The following SLC16A9 variants were observed in gnomAD, a reference collection of about 807,000 sequenced individuals.
The protein encoded by SLC16A9 is solute carrier family 16 member 9.
Under a neutral mutation model 44.3 loss-of-function variants are expected in SLC16A9, and 26 were observed. That is an observed-to-expected ratio of 0.59 (90% CI 0.43 to 0.81). SLC16A9 has a LOEUF of 0.81. SLC16A9 is among the 40% of genes least tolerant of loss of function. The pLI is 0.00. For missense variants in SLC16A9, 559 were observed against 595.8 expected (o/e 0.94, Z 0.64); for synonymous variants, 230 against 225.1 (o/e 1.02, Z -0.19).
At chr10:59,692,908 C>A (rs1381764639) in intron 1 of SLC16A9, among the ~76,000 whole-genome samples, 1 of 152,142 alleles carries the variant, frequency 6.6e-6, no homozygotes, top group African/African-American at 2.4e-5. Flanking sequence ...TTTGGGAATT[C>A]TAAAACAATA....
chr10:59,686,301 A>G (rs1194878889), intron 1 of SLC16A9, among the ~76,000 whole-genome samples: 1 of 152,154 alleles, frequency 6.6e-6, no homozygotes, highest in African/African-American at 2.4e-5. Flanking sequence ...TTTTGTAGCT[A>G]TTCATGTTTT....
chr10:59,677,256 T>TA (rs879755179), intron 2 of SLC16A9, among the ~76,000 whole-genome samples: 127 of 144,844 alleles, frequency 8.8e-4, no homozygotes, highest in African/African-American at 1.3e-3. Context: ...CCTGGCTAAT[T>TA]AAAAAAAAAA....
intron 2 of SLC16A9, among the ~76,000 whole-genome samples, chr10:59,675,140 A>T (rs1413314903): frequency 6.6e-6 from 1 of 152,212 alleles, no homozygotes; most frequent in Non-Finnish European, 1.5e-5. Context: ...GAGATTAAAG[A>T]CAAAAAATTT....
intron 1 of SLC16A9, among the ~76,000 whole-genome samples, chr10:59,704,649 C>G (rs1840599506): frequency 6.6e-6 from 1 of 152,178 alleles, no homozygotes; most frequent in Non-Finnish European, 1.5e-5. Context: ...CACTGAGATA[C>G]ATTGGTATCA....
At chr10:59,677,695 T>C (rs1481040739) in intron 2 of SLC16A9, among the ~76,000 whole-genome samples, 2 of 152,166 alleles carry the variant, frequency 1.3e-5, no homozygotes, top group Non-Finnish European at 2.9e-5. Flanking sequence ...TGAACTAGGC[T>C]GCGAAGTATG....
In SLC16A9 at chr10:59,663,943, T is replaced by C. The variant is rs1017172358; in HGVS notation, c.436+284A>G. Among the ~76,000 whole-genome samples, 4 of 151,254 alleles carry C rather than the reference T, an allele frequency of 2.6e-5. No homozygotes were observed. The South Asian group carries it at 6.3e-4, about 24-fold the overall frequency. On this transcript the variant is annotated intron_variant, in intron 4 of 5. Coordinates refer to ENST00000395348, the MANE Select transcript of SLC16A9 (RefSeq NM_194298.3). ...TGTCCATGTAAAAATGTATTAATGT[T>C]ATACTAAATATCAGTTTACAATTTT...
chr10:59,681,813 TATATG>T lies in SLC16A9; in HGVS notation c.196+2278_196+2282del, dbSNP rs1244330678. Among the ~76,000 whole-genome samples the T allele has an allele frequency of 5.3e-3, 20 of 3,786 alleles. 1 individual carries two copies. The highest frequency in any genetic ancestry group is 0.01 in the African/African-American group (19 of 1,846). 2.5% of individuals were successfully genotyped at this position (3,786 alleles called of 152,430 possible). On this transcript the variant is annotated intron_variant, in intron 2 of 5. Transcript: ENST00000395348. The stretch of plus-strand genomic sequence containing the variant: ...ATATGTATATGTATATGTATATGTA[TATATG>T]ATGTATATGTATATGTATATGATGT...
intron 1 of SLC16A9, chr10:59,708,891 G>C (rs959173171): frequency 2.0e-5 from 3 of 152,474 alleles, no homozygotes; most frequent in Admixed American, 1.3e-4. Flanking sequence ...GCGAAGGCTG[G>C]GCTCCCGCGC....
intron 1 of SLC16A9, among the ~76,000 whole-genome samples, chr10:59,699,042 G>A (rs1840463777): frequency 6.6e-6 from 1 of 152,096 alleles, no homozygotes; most frequent in Non-Finnish European, 1.5e-5. Flanking sequence ...CTTAAGCACT[G>A]CACAGTCGAG....
chr10:59,662,865 CAG>C (rs1289629416), intron 4 of SLC16A9, among the ~76,000 whole-genome samples: 1 of 152,058 alleles, frequency 6.6e-6, no homozygotes, highest in Admixed American at 6.6e-5. Flanking sequence ...TTGTGGAAGA[CAG>C]TGTGGCAATT....
chr10:59,658,922 A>G (rs1309472649), intron 4 of SLC16A9, among the ~76,000 whole-genome samples: 1 of 152,142 alleles, frequency 6.6e-6, no homozygotes, highest in East Asian at 1.9e-4. Flanking sequence ...TGCCAGAATA[A>G]CTACTGACGT....
intron 4 of SLC16A9, among the ~76,000 whole-genome samples, chr10:59,661,397 C>T (rs1046815705): frequency 1.2e-4 from 18 of 152,110 alleles, no homozygotes; most frequent in Non-Finnish European, 2.9e-5. Flanking sequence ...CTCCCATTCA[C>T]ATGCTACATA....
chr10:59,675,860 T>C (rs923148017), intron 2 of SLC16A9, among the ~76,000 whole-genome samples: 1 of 152,218 alleles, frequency 6.6e-6, no homozygotes, highest in African/African-American at 2.4e-5. Context: ...AAGGACTGAA[T>C]GGGGCACCTG....
chr10:59,694,031 G>A (rs1402730324), intron 1 of SLC16A9, among the ~76,000 whole-genome samples: 14 of 149,072 alleles, frequency 9.4e-5, no homozygotes, highest in African/African-American at 3.5e-4. Flanking sequence ...TCCGCCTCCC[G>A]GGTTCAGGCC....
intron 1 of SLC16A9, among the ~76,000 whole-genome samples, chr10:59,687,588 A>G (rs1015653742): frequency 2.0e-5 from 3 of 152,186 alleles, no homozygotes; most frequent in African/African-American, 7.2e-5. Context: ...ATTTTGGCGG[A>G]GGAATTTTTT....
At position 59,653,673 on chromosome 10, in the gene SLC16A9, A is replaced by C. The variant is rs1736204070; in HGVS notation, c.1351+2T>G. 1 of 1,605,128 alleles carries C rather than the reference A, an allele frequency of 6.2e-7. No individual in the cohort carries two copies. Among genetic ancestry groups the C allele is most frequent in the African/African-American group, 1.3e-5 (1 of 74,576 alleles). On this transcript the variant is annotated splice_donor_variant, in intron 5 of 5. Coordinates refer to ENST00000395348, the MANE Select transcript of SLC16A9 (RefSeq NM_194298.3). LOFTEE classifies it high-confidence loss of function. ...GGGATGATTTTAAGATAAATATCTT[A>C]CCAACGATGGGTGGTCCTAGGCTAT...
At position 59,654,598 on chromosome 10, in the gene SLC16A9, G is replaced by A. The variant is rs951152506; in HGVS notation, c.437-9C>T. ...AAGGCCAACGCTTGAACCTAAAAAG[G>A]GAATGGGAACTGTTCAACCTCGTAA... On this transcript the variant is annotated splice_polypyrimidine_tract_variant and intron_variant, in intron 4 of 5. Coordinates refer to ENST00000395348, the MANE Select transcript of SLC16A9 (RefSeq NM_194298.3). The A allele has an allele frequency of 3.8e-6, 6 of 1,561,374 alleles. No individual in the cohort carries two copies. The highest frequency in any genetic ancestry group is 5.2e-6 in the Non-Finnish European group (6 of 1,160,990).
intron 1 of SLC16A9, 69 bp from the exon 2 acceptor site, chr10:59,684,396 A>G: frequency 2.6e-6 from 2 of 774,606 alleles, no homozygotes; most frequent in Non-Finnish European, 3.8e-6. Flanking sequence ...TGGGGTAAAA[A>G]TATCTCCTCC....
intron 1 of SLC16A9, among the ~76,000 whole-genome samples, chr10:59,693,526 TACAC>T (rs1028421519): frequency 1.3e-5 from 2 of 152,056 alleles, no homozygotes; most frequent in African/African-American, 4.8e-5. Context: ...TGTCTATATA[TACAC>T]ACACACACAA....
Sources: gnomAD v4.1 joint callset for allele counts (sites outside exome capture counted in the v4.1 genomes callset) on GRCh38, gnomAD v4.1.1 for gene constraint, MANE v1.5 for transcripts, NCBI Gene and HGNC (gene_info 2026-07-23, HGNC 2026-07-21) for gene names.